RPIA: variants seen among roughly 807,000 people sequenced by gnomAD.
RPIA encodes the protein ribose 5-phosphate isomerase A, also known as ribose-5-phosphate isomerase.
In RPIA, 29 loss-of-function variants were observed where a neutral mutation model predicts 37.8. The observed-to-expected ratio is 0.77, with a 90% CI of 0.57 to 1.05. The LOEUF (loss-of-function observed/expected upper bound fraction) is 1.05, where lower values mean the gene tolerates loss of function less well. Ranked by LOEUF, RPIA falls within the 50% of genes least tolerant of loss-of-function variation. RPIA has a pLI of 0.00. For synonymous variants in RPIA, 167 were observed against 157.0 expected (o/e 1.06, Z -0.48); for missense variants, 385 against 413.6 (o/e 0.93, Z 0.60).
chr2:88,749,669 C>T (rs1197490967), intron 8 of RPIA, among the ~76,000 whole-genome samples: 1 of 152,112 alleles, frequency 6.6e-6, no homozygotes, highest in African/African-American at 2.4e-5. Flanking sequence ...AGAGCTGAGC[C>T]AGCCCCTTGA....
intron 1 of RPIA, among the ~76,000 whole-genome samples, chr2:88,693,494 A>G (rs1676972143): frequency 6.6e-6 from 1 of 152,206 alleles, no homozygotes; most frequent in Admixed American, 6.5e-5. Context: ...TAAGGAGAGG[A>G]AGATTTCTCT....
At chr2:88,709,150 AT>A (rs1672932989) in intron 3 of RPIA, among the ~76,000 whole-genome samples, 1 of 152,202 alleles carries the variant, frequency 6.6e-6, no homozygotes, top group Admixed American at 6.5e-5. Flanking sequence ...AATGGGCCAG[AT>A]TTTACAAATT....
intron 3 of RPIA, among the ~76,000 whole-genome samples, chr2:88,702,700 T>C (rs1458145976): frequency 6.6e-6 from 1 of 152,194 alleles, no homozygotes; most frequent in African/African-American, 2.4e-5. Context: ...GACAGAATGC[T>C]GGCAGCCTGC....
intron 8 of RPIA, among the ~76,000 whole-genome samples, chr2:88,747,944 T>C (rs1306082774): frequency 1.3e-5 from 2 of 152,234 alleles, no homozygotes; most frequent in African/African-American, 4.8e-5. Flanking sequence ...CTCCACACAC[T>C]GTTCTGTCTG....
intron 3 of RPIA, among the ~76,000 whole-genome samples, chr2:88,710,137 C>T (rs1672944111): frequency 6.6e-6 from 1 of 152,190 alleles, no homozygotes; most frequent in African/African-American, 2.4e-5. Flanking sequence ...GCCTCGGCCT[C>T]CTGGGCTCAA....
intron 4 of RPIA, among the ~76,000 whole-genome samples, chr2:88,730,184 C>A (rs1673247497): frequency 2.7e-5 from 1 of 37,470 alleles, no homozygotes; most frequent in Non-Finnish European, 4.0e-5. Context: ...GAAACTATTC[C>A]AATCAATAGA....
intron 8 of RPIA, among the ~76,000 whole-genome samples, chr2:88,740,949 G>A (rs1673374709): frequency 6.6e-6 from 1 of 152,102 alleles, no homozygotes; most frequent in African/African-American, 2.4e-5. Context: ...TGGTGCCAGG[G>A]ACCTTTATTT....
chr2:88,737,397 C>T (rs1033165691), intron 7 of RPIA, among the ~76,000 whole-genome samples: 22 of 151,972 alleles, frequency 1.4e-4, no homozygotes, highest in African/African-American at 4.8e-4. Flanking sequence ...TAAAAAAAAA[C>T]CGTAGTTCTG....
intron 1 of RPIA, among the ~76,000 whole-genome samples, chr2:88,695,466 C>A (rs1672723498): frequency 6.6e-6 from 1 of 152,212 alleles, no homozygotes; most frequent in Non-Finnish European, 1.5e-5. Flanking sequence ...TACATTTGAT[C>A]ACAGAAGTCT....
Position 88,738,049 on chromosome 2 carries a change from G to A in RPIA, c.811G>A (p.Val271Met). The A allele has an allele frequency of 1.4e-5, 23 of 1,613,828 alleles. No individual in the cohort carries two copies. The highest frequency in any genetic ancestry group is 1.9e-5 in the Non-Finnish European group (23 of 1,179,736). The change falls in exon 8 of 9, where the codon GTG (valine) becomes ATG (methionine). Residue 271 changes from valine (V) to methionine (M), a missense_variant. Coordinates refer to ENST00000283646, the MANE Select transcript of RPIA (RefSeq NM_144563.3). ...KFDRVHKWSE[V>M]NTAIKMIPGV... ...TGACCGGGTACACAAATGGAGTGAA[G>A]TGAATACAGCTATCAAAATGATCCC...
intron 3 of RPIA, among the ~76,000 whole-genome samples, chr2:88,724,560 C>A (rs938171424): frequency 3.9e-5 from 6 of 152,084 alleles, no homozygotes; most frequent in African/African-American, 1.4e-4. Flanking sequence ...CTGCCCACCT[C>A]GGCCTTCCAA....
chr2:88,719,069 A>G (rs72846146), intron 3 of RPIA, among the ~76,000 whole-genome samples: 13 of 152,192 alleles, frequency 8.5e-5, no homozygotes, highest in African/African-American at 4.8e-5. Flanking sequence ...TGATGTTACA[A>G]TCTCTAAAGT....
rs964471266 is a variant in RPIA, at chr2:88,728,383, A to G, written c.403-895A>G. ...TTTTTATAGATGAGAAAAATTGCCA[A>G]GGGTCACAGGGCTGGCTCATTTAAG... On this transcript the variant is annotated intron_variant, in intron 3 of 8. Transcript: ENST00000283646. 5.3e-5 allele frequency among the ~76,000 whole-genome samples: 8 copies of G among 152,290 alleles called. No individual in the cohort carries two copies. The South Asian group carries it at 6.2e-4, about 12-fold the overall frequency.
rs776488875 is a variant in RPIA at position 88,691,682 on chromosome 2, C to A, written c.-17C>A. 4.5e-6 allele frequency: 7 copies of A among 1,567,356 alleles called. No individual in the cohort carries two copies. Among genetic ancestry groups the A allele is most frequent in the Non-Finnish European group, 5.1e-6 (6 of 1,165,864 alleles). ...CCGGGGGCGGGACTTCAGCGGAGGC[C>A]GGAGCGAGGCGTCGGGATGCAGCGC... On this transcript the variant is annotated 5_prime_UTR_variant, in exon 1 of 9. Coordinates refer to ENST00000283646, the MANE Select transcript of RPIA (RefSeq NM_144563.3).
At chr2:88,712,490 A>C (rs1376550685) in intron 3 of RPIA, among the ~76,000 whole-genome samples, 1 of 152,140 alleles carries the variant, frequency 6.6e-6, no homozygotes, top group Non-Finnish European at 1.5e-5. Context: ...GAAGATGAAC[A>C]TTTGCTTATT....
chr2:88,734,916 G>C (rs190823722), intron 5 of RPIA, among the ~76,000 whole-genome samples: 2 of 152,220 alleles, frequency 1.3e-5, no homozygotes, highest in Admixed American at 1.3e-4. Flanking sequence ...AATAATACTG[G>C]GCTAGATTGT....
At chr2:88,711,149 C>G (rs538909047) in intron 3 of RPIA, among the ~76,000 whole-genome samples, 1 of 152,210 alleles carries the variant, frequency 6.6e-6, no homozygotes, top group Non-Finnish European at 1.5e-5. Flanking sequence ...CGCAAGCATC[C>G]TTTATATTTG....
intron 3 of RPIA, among the ~76,000 whole-genome samples, chr2:88,718,951 A>G (rs937728734): frequency 6.6e-6 from 1 of 152,204 alleles, no homozygotes; most frequent in Non-Finnish European, 1.5e-5. Flanking sequence ...AAACGTTAAA[A>G]AGATTACTTC....
At chr2:88,736,023 C>T (rs1163230357) in intron 6 of RPIA, among the ~76,000 whole-genome samples, 1 of 152,210 alleles carries the variant, frequency 6.6e-6, no homozygotes, top group Non-Finnish European at 1.5e-5. Context: ...GCAGAGCATG[C>T]TCTCATGTGT....
Sources: gnomAD v4.1 joint callset for allele counts (sites outside exome capture counted in the v4.1 genomes callset) on GRCh38, gnomAD v4.1.1 for gene constraint, MANE v1.5 for transcripts, NCBI Gene and HGNC (gene_info 2026-07-23, HGNC 2026-07-21) for gene names.